The following EYA1 variants were observed in gnomAD, a reference collection of about 807,000 sequenced individuals.
EYA1 encodes protein phosphatase EYA1.
A neutral mutation model predicts 82.0 loss-of-function variants in EYA1; 16 were observed. The ratio of observed to expected loss-of-function variants is 0.20; its 90% CI spans 0.13 to 0.30. EYA1 has a LOEUF of 0.30. Ranked by LOEUF, EYA1 falls within the 10% of genes least tolerant of loss-of-function variation. The pLI is 1.00. For missense variants in EYA1, 633 were observed against 730.7 expected, an observed-to-expected ratio of 0.87 and a Z score of 1.54; for synonymous variants, 261 against 264.4, an observed-to-expected ratio of 0.99 and a Z score of 0.12.
In EYA1 at chr8:71,218,558, G is replaced by C. The variant is rs1317346122; in HGVS notation, c.1141-1535C>G. Among the ~76,000 whole-genome samples the C allele has an allele frequency of 2.0e-5, 3 of 152,082 alleles. No individual in the cohort carries two copies. The East Asian group carries it at 5.8e-4, about 29-fold the overall frequency. ...TTGTAACCCTCCCCTGCTCTCCTGA[G>C]GTCCATAACCTCAGATAAGAGAAAA... On this transcript the variant is annotated intron_variant, in intron 12 of 17. Coordinates refer to ENST00000340726, the MANE Select transcript of EYA1 (RefSeq NM_000503.6).
At chr8:71,324,708 T>A (rs187447968) in intron 4 of EYA1, among the ~76,000 whole-genome samples, 17 of 152,318 alleles carry the variant, frequency 1.1e-4, no homozygotes, top group African/African-American at 4.1e-4. Context: ...TCTGCCTAAC[T>A]TTTCCCACCA....
intron 4 of EYA1, among the ~76,000 whole-genome samples, chr8:71,330,312 T>G (rs1204752193): frequency 2.2e-4 from 34 of 152,316 alleles, no homozygotes; most frequent in African/African-American, 7.5e-4. Flanking sequence ...AAGTTATTCC[T>G]TTTCTAGCCT....
chr8:71,529,858 G>A (rs1228493375), intron 2 of EYA1: 1 of 152,166 alleles, frequency 6.6e-6, no homozygotes, highest in African/African-American at 2.4e-5. Flanking sequence ...TCTTTCTTAA[G>A]ACTTTCCTTT....
chr8:71,408,640 T>C (rs1275420488), intron 2 of EYA1, among the ~76,000 whole-genome samples: 1 of 86,758 alleles, frequency 1.2e-5, no homozygotes, highest in African/African-American at 5.2e-5. Context: ...CATTACATAA[T>C]GGTAAAGGGA....
chr8:71,216,163 GCCTTTAT>G (rs1165288829), intron 14 of EYA1, among the ~76,000 whole-genome samples: 1 of 152,142 alleles, frequency 6.6e-6, no homozygotes, highest in Non-Finnish European at 1.5e-5. Flanking sequence ...ACCTAGAAAG[GCCTTTAT>G]CCAAAGGAAG....
At chr8:71,232,564 C>T (rs1369493155) in intron 12 of EYA1, among the ~76,000 whole-genome samples, 1 of 152,220 alleles carries the variant, frequency 6.6e-6, no homozygotes, top group Admixed American at 6.5e-5. Flanking sequence ...AGCACACCTC[C>T]CGGCATGCAA....
At chr8:71,444,276 T>C (rs1013861793) in intron 2 of EYA1, among the ~76,000 whole-genome samples, 5 of 152,200 alleles carry the variant, frequency 3.3e-5, no homozygotes. Flanking sequence ...CAGAATTGAA[T>C]CTTAACATGA....
chr8:71,373,577 G>T (rs28885763), intron 2 of EYA1, among the ~76,000 whole-genome samples: 1 of 152,150 alleles, frequency 6.6e-6, no homozygotes, highest in South Asian at 2.1e-4. Context: ...GCAACCTACA[G>T]ATTCAATGTG....
intron 9 of EYA1, among the ~76,000 whole-genome samples, chr8:71,294,320 G>A (rs1819347744): frequency 6.6e-6 from 1 of 151,992 alleles, no homozygotes. Context: ...TTAGCCGGGC[G>A]TGGTAGCGGG....
intron 12 of EYA1, among the ~76,000 whole-genome samples, chr8:71,230,485 C>A (rs141265104): frequency 6.6e-6 from 1 of 152,200 alleles, no homozygotes; most frequent in African/African-American, 2.4e-5. Flanking sequence ...ATGCTGCAGG[C>A]ACCGGCCAGG....
At chr8:71,532,581 G>A (rs759308353) in intron 2 of EYA1, among the ~76,000 whole-genome samples, 23 of 152,156 alleles carry the variant, frequency 1.5e-4, no homozygotes, top group Non-Finnish European at 7.3e-5. Context: ...AATATGCTTT[G>A]TAAGCTAGCA....
intron 2 of EYA1, among the ~76,000 whole-genome samples, chr8:71,528,374 T>C (rs936992282): frequency 7.2e-5 from 11 of 152,220 alleles, no homozygotes; most frequent in Non-Finnish European, 1.2e-4. Flanking sequence ...AACATGTCAC[T>C]GTCCTGGCTC....
intron 11 of EYA1, among the ~76,000 whole-genome samples, chr8:71,260,712 A>G (rs568882755): frequency 6.6e-6 from 1 of 152,326 alleles, no homozygotes; most frequent in African/African-American, 2.4e-5. Context: ...TACTAATCCT[A>G]CATGGGCAGC....
chr8:71,330,066 G>A (rs1823644861), intron 4 of EYA1, among the ~76,000 whole-genome samples: 1 of 152,166 alleles, frequency 6.6e-6, no homozygotes, highest in Non-Finnish European at 1.5e-5. Context: ...CCACATGGGA[G>A]GAAGAACAGT....
chr8:71,516,726 C>T (rs551325395), intron 2 of EYA1, among the ~76,000 whole-genome samples: 2 of 152,222 alleles, frequency 1.3e-5, no homozygotes, highest in Non-Finnish European at 2.9e-5. Context: ...AGGATGAATA[C>T]TGGGCTTTCC....
At chr8:71,377,211 C>A (rs1201559746) in intron 2 of EYA1, among the ~76,000 whole-genome samples, 1 of 152,178 alleles carries the variant, frequency 6.6e-6, no homozygotes, top group African/African-American at 2.4e-5. Context: ...TAGATCCAGG[C>A]ACCATGAAAG....
intron 2 of EYA1, among the ~76,000 whole-genome samples, chr8:71,516,598 C>T (rs1812995514): frequency 6.6e-6 from 1 of 152,124 alleles, no homozygotes; most frequent in Non-Finnish European, 1.5e-5. Flanking sequence ...TACAAATTTG[C>T]ACAGTATGGC....
chr8:71,220,216 A>C (rs1301848722), intron 12 of EYA1, among the ~76,000 whole-genome samples: 1 of 152,236 alleles, frequency 6.6e-6, no homozygotes, highest in Admixed American at 6.5e-5. Context: ...ATAAGTTTTT[A>C]TTCCAAAAAC....
intron 2 of EYA1, among the ~76,000 whole-genome samples, chr8:71,520,788 C>T (rs756413424): frequency 2.0e-5 from 3 of 152,048 alleles, no homozygotes; most frequent in Admixed American, 6.6e-5. Context: ...AAGACTAAAG[C>T]TGTGACTTTT....
Sources: gnomAD v4.1 joint callset for allele counts (sites outside exome capture counted in the v4.1 genomes callset) on GRCh38, gnomAD v4.1.1 for gene constraint, MANE v1.5 for transcripts, NCBI Gene and HGNC (gene_info 2026-07-23, HGNC 2026-07-21) for gene names.